Variants in ARMC2 observed in about 807,000 individuals in gnomAD.
The protein encoded by ARMC2 is armadillo repeat-containing protein 2.
In ARMC2, 67 loss-of-function variants were observed where a neutral mutation model predicts 90.3. The observed-to-expected ratio is 0.74, with a 90% CI of 0.61 to 0.91. The LOEUF is 0.91. Ranked by LOEUF, ARMC2 falls within the 40% of genes least tolerant of loss-of-function variation. The pLI is 0.00. For synonymous variants in ARMC2, 393 were observed against 393.0 expected, an observed-to-expected ratio of 1.00 and a Z score of 0.00; for missense variants, 920 against 1,030.9, an observed-to-expected ratio of 0.89 and a Z score of 1.47.
chr6:108,972,098 C>T (rs1402012708), intron 17 of ARMC2, among the ~76,000 whole-genome samples: 1 of 152,142 alleles, frequency 6.6e-6, no homozygotes, highest in East Asian at 1.9e-4. Flanking sequence ...GTGTGAGGCT[C>T]AACATCAACA....
chr6:108,998,390 T>C, the ARMC2 span: 3 of 1,106,796 alleles, frequency 2.7e-6, no homozygotes, highest in Non-Finnish European at 3.9e-6. Flanking sequence ...TGAATAGATA[T>C]AGGGGCCCAA....
In ARMC2 at chr6:108,868,933, G is replaced by A. The variant is rs377502169; in HGVS notation, c.401G>A (p.Arg134His). The A allele has an allele frequency of 9.3e-6, 15 of 1,613,878 alleles. No individual in the cohort carries two copies. The highest frequency in any genetic ancestry group is 3.3e-5 in the South Asian group (3 of 91,056). The change falls in exon 4 of 18, where the codon CGC becomes CAC. Residue 134 changes from arginine (R) to histidine (H), a missense_variant. Transcript: ENST00000392644. ...AGAAGAGTAAGCAACGCCAGGGCTCGCTTATTCAGGGCTGCCTCCCAGCGG... is the reference window on the plus strand; with the variant it reads ...AGAAGAGTAAGCAACGCCAGGGCTCACTTATTCAGGGCTGCCTCCCAGCGG... ...KIRRVSNARA[R>H]LFRAASQRAL...
the ARMC2 span, among the ~76,000 whole-genome samples, chr6:109,009,763 C>T: frequency 1.3e-5 from 2 of 152,104 alleles, no homozygotes; most frequent in Non-Finnish European, 2.9e-5. Context: ...AGCTAATTCT[C>T]AGGTACGGAA....
In ARMC2 at chr6:108,929,543, A is replaced by G. The variant is rs567092144; in HGVS notation, c.1496+1310A>G. Among the ~76,000 whole-genome samples, 10 of 152,252 alleles carry G rather than the reference A, an allele frequency of 6.6e-5. No individual in the cohort carries two copies. In the South Asian group the frequency reaches 2.1e-3, roughly 32 times the overall value. On this transcript the variant is annotated intron_variant, in intron 11 of 17. Transcript: ENST00000392644. ...AGGCTGGAGTGCAGTGGGCACAAACATGGCTTACTACAGCCTCGACTGCCC... is the reference window on the plus strand; with the variant it reads ...AGGCTGGAGTGCAGTGGGCACAAACGTGGCTTACTACAGCCTCGACTGCCC...
the ARMC2 span, among the ~76,000 whole-genome samples, chr6:109,005,995 A>G: frequency 1.3e-5 from 2 of 152,218 alleles, no homozygotes; most frequent in Non-Finnish European, 2.9e-5. Flanking sequence ...TCTGAGAACC[A>G]AATTGCCTTT....
In ARMC2 at chr6:108,863,225, G is replaced by T. The variant is rs1161220065; in HGVS notation, c.291+4954G>T. ...AATGACATGATCTTGGCTCAGTACA[G>T]GTGTGCACCACCACACCTGGCTAAT... is the stretch of plus-strand genomic sequence containing the variant. On this transcript the variant is annotated intron_variant, in intron 3 of 17. Transcript: ENST00000392644. 2.0e-5 allele frequency among the ~76,000 whole-genome samples: 3 copies of T among 152,062 alleles called. No individual in the cohort carries two copies. The South Asian group carries it at 6.2e-4, about 32-fold the overall frequency.
chr6:108,959,018 A>G (rs1777795518), intron 13 of ARMC2, among the ~76,000 whole-genome samples: 4 of 152,230 alleles, frequency 2.6e-5, no homozygotes, highest in Admixed American at 2.6e-4. Flanking sequence ...ATATTTCCTT[A>G]CAGTAGAATC....
the ARMC2 span, among the ~76,000 whole-genome samples, chr6:109,003,380 G>C: frequency 6.6e-6 from 1 of 151,728 alleles, no homozygotes; most frequent in African/African-American, 2.4e-5. Flanking sequence ...GATGGGGTGG[G>C]GGTGGGTGCA....
chr6:108,876,504 G>A (rs1387083177), intron 5 of ARMC2, among the ~76,000 whole-genome samples, 154 bp downstream of exon 5: 2 of 152,122 alleles, frequency 1.3e-5, no homozygotes, highest in Non-Finnish European at 2.9e-5. Flanking sequence ...TACTTCTCAT[G>A]GCCAAATGGA....
In ARMC2 at chr6:108,865,087, A is replaced by T. The variant is rs150360011; in HGVS notation, c.292-3737A>T. 8.9e-3 allele frequency among the ~76,000 whole-genome samples: 1,345 copies of T among 151,496 alleles called. 16 individuals carry two copies. The highest frequency in any genetic ancestry group is 0.029 in the African/African-American group (1,175 of 41,206). On this transcript the variant is annotated intron_variant, in intron 3 of 17. Transcript: ENST00000392644. ...AACCTCCACCTCCCAGGTTCAAGCA[A>T]TTCTCCTGCCTCAGCCTCTTGAGTA...
At chr6:109,027,778 A>G in the ARMC2 span, among the ~76,000 whole-genome samples, 3 of 152,152 alleles carry the variant, frequency 2.0e-5, no homozygotes, top group Admixed American at 2.0e-4. Flanking sequence ...TAATGTAGCA[A>G]TATCTCATTG....
At chr6:108,866,338 A>T (rs1321497940) in intron 3 of ARMC2, among the ~76,000 whole-genome samples, 3 of 152,172 alleles carry the variant, frequency 2.0e-5, no homozygotes, top group Non-Finnish European at 4.4e-5. Context: ...CAAAGTGGGG[A>T]GGCTAAAAAG....
chr6:108,989,016 T>C, the ARMC2 span, among the ~76,000 whole-genome samples: 3 of 152,134 alleles, frequency 2.0e-5, no homozygotes, highest in Non-Finnish European at 4.4e-5. Context: ...GAACAAACTA[T>C]TATTGAGACG....
chr6:108,956,367 T>A (rs1052492845), intron 13 of ARMC2, among the ~76,000 whole-genome samples: 1 of 152,050 alleles, frequency 6.6e-6, no homozygotes, highest in African/African-American at 2.4e-5. Flanking sequence ...ATAACTTGCT[T>A]TTGACTCAAA....
intron 13 of ARMC2, among the ~76,000 whole-genome samples, chr6:108,955,515 A>G (rs1777513550): frequency 6.6e-6 from 1 of 152,202 alleles, no homozygotes; most frequent in Non-Finnish European, 1.5e-5. Flanking sequence ...CACAGGTCAC[A>G]AAGTTAGCAA....
At chr6:108,886,557 C>T (rs1778126136) in intron 5 of ARMC2, among the ~76,000 whole-genome samples, 5 of 152,124 alleles carry the variant, frequency 3.3e-5, no homozygotes, top group Admixed American at 2.6e-4. Context: ...GGCGACAGAG[C>T]GATACTCGTC....
the ARMC2 span, chr6:108,988,628 T>G: frequency 6.2e-7 from 1 of 1,612,732 alleles, no homozygotes; most frequent in East Asian, 2.2e-5. Flanking sequence ...AGTTTTGATA[T>G]AAACTTTAAA....
At chr6:109,029,353 A>T in the ARMC2 span, among the ~76,000 whole-genome samples, 1 of 152,242 alleles carries the variant, frequency 6.6e-6, no homozygotes, top group South Asian at 2.1e-4. Context: ...CACTTGATTT[A>T]TGGCAATTGT....
At chr6:109,046,977 G>T in the ARMC2 span, among the ~76,000 whole-genome samples, 1 of 97,282 alleles carries the variant, frequency 1.0e-5, no homozygotes, top group African/African-American at 4.0e-5. Context: ...CAGCCACCCC[G>T]TCCGGGAGGG....
Sources: gnomAD v4.1 joint callset for allele counts (sites outside exome capture counted in the v4.1 genomes callset) on GRCh38, gnomAD v4.1.1 for gene constraint, MANE v1.5 for transcripts, NCBI Gene and HGNC (gene_info 2026-07-23, HGNC 2026-07-21) for gene names.